Variants in DDR2 observed in about 807,000 individuals in gnomAD.
The protein encoded by DDR2 is discoidin domain receptor tyrosine kinase 2, also known as discoidin domain-containing receptor 2.
DDR2 carries 27 observed loss-of-function variants against 94.9 expected under a neutral mutation model. The ratio of observed to expected loss-of-function variants is 0.28; its 90% CI spans 0.21 to 0.39. The LOEUF (loss-of-function observed/expected upper bound fraction) is 0.39, where lower values mean the gene tolerates loss of function less well. Ranked by LOEUF, DDR2 falls within the 10% of genes least tolerant of loss-of-function variation. DDR2 has a pLI of 1.00. For synonymous variants in DDR2, 382 were observed against 377.2 expected, an observed-to-expected ratio of 1.01 and a Z score of -0.15; for missense variants, 783 against 1,076.0, an observed-to-expected ratio of 0.73 and a Z score of 3.81.
At chr1:162,704,327 G>A (rs1227862366) in intron 2 of DDR2, among the ~76,000 whole-genome samples, 2 of 152,076 alleles carry the variant, frequency 1.3e-5, no homozygotes, top group African/African-American at 4.8e-5. Flanking sequence ...AGTTGTAAAG[G>A]GGCAGCAAAG....
chr1:162,778,356 C>CA (rs1647705634), intron 16 of DDR2, among the ~76,000 whole-genome samples: 2 of 152,130 alleles, frequency 1.3e-5, no homozygotes, highest in East Asian at 1.9e-4. Context: ...CTTATGGCTG[C>CA]GTTTTTTTCA....
intron 2 of DDR2, among the ~76,000 whole-genome samples, chr1:162,717,790 A>T (rs1170272532): frequency 6.6e-6 from 1 of 152,174 alleles, no homozygotes; most frequent in Non-Finnish European, 1.5e-5. Flanking sequence ...AACACATACT[A>T]TCAATATGAC....
intron 17 of DDR2, among the ~76,000 whole-genome samples, 160 bp from the exon 18 acceptor site, chr1:162,779,952 G>A (rs766707248): frequency 1.6e-4 from 24 of 152,112 alleles, no homozygotes; most frequent in Non-Finnish European, 2.5e-4. Context: ...GAACTTTCAC[G>A]AGTAGGAAAA....
chr1:162,647,425 G>T (rs891985573), intron 1 of DDR2, among the ~76,000 whole-genome samples: 1 of 152,162 alleles, frequency 6.6e-6, no homozygotes, highest in Non-Finnish European at 1.5e-5. Flanking sequence ...CCCCAAGAGA[G>T]GGTTCTTAGA....
chr1:162,699,435 G>A (rs1445971541), intron 2 of DDR2, among the ~76,000 whole-genome samples: 1 of 152,088 alleles, frequency 6.6e-6, no homozygotes, highest in Non-Finnish European at 1.5e-5. Flanking sequence ...GTCTTGTACT[G>A]TGAACCCAAA....
chr1:162,699,418 T>C (rs6680765), intron 2 of DDR2, among the ~76,000 whole-genome samples: 1,630 of 152,342 alleles, frequency 0.011, 36 homozygotes, highest in African/African-American at 0.037. Context: ...GGAATAGCAC[T>C]TACCTTGTCT....
intron 2 of DDR2, among the ~76,000 whole-genome samples, chr1:162,693,100 T>C (rs1660029702): frequency 6.6e-6 from 1 of 152,202 alleles, no homozygotes; most frequent in South Asian, 2.1e-4. Context: ...TATATTTATA[T>C]AAAGTTCAAA....
At chr1:162,665,196 C>A (rs1248787828) in intron 2 of DDR2, among the ~76,000 whole-genome samples, 2 of 152,278 alleles carry the variant, frequency 1.3e-5, no homozygotes, top group African/African-American at 4.8e-5. Flanking sequence ...TTCCTGGGGA[C>A]AGAATGTTCA....
intron 2 of DDR2, among the ~76,000 whole-genome samples, chr1:162,684,812 A>AACACACACACACACACACACACACACAC (rs56958157): frequency 1.4e-5 from 2 of 138,044 alleles, no homozygotes; most frequent in African/African-American, 2.6e-5. Flanking sequence ...CACACCCACC[A>AACACACACACACACACACACACACACAC]ACACACACAC....
At chr1:162,733,239 A>C (rs1662144604) in intron 3 of DDR2, among the ~76,000 whole-genome samples, 1 of 152,232 alleles carries the variant, frequency 6.6e-6, no homozygotes, top group South Asian at 2.1e-4. Context: ...GGGGGAAAGC[A>C]AGGAGACCTG....
At position 162,754,684 on chromosome 1, in the gene DDR2, C is replaced by A. The variant is rs1464842273; in HGVS notation, c.246C>A (p.Asp82Glu). 6.2e-7 allele frequency: 1 copy of A among 1,614,012 alleles called. No individual in the cohort carries two copies. The highest frequency in any genetic ancestry group is 1.1e-5 in the South Asian group (1 of 91,080). Reference protein sequence around the residue: ...WCPEIPVEPDDLKEFLQIDLH... With the variant: ...WCPEIPVEPDELKEFLQIDLH... ...CTGAGATTCCAGTGGAACCTGATGA[C>A]CTGAAGGAGTTTCTGCAGATTGACT... Residue 82 changes from aspartate (D) to glutamate (E), a missense_variant, in exon 5 of 18, where the codon GAC becomes GAA. Coordinates refer to ENST00000367921, the MANE Select transcript of DDR2 (RefSeq NM_006182.4).
chr1:162,669,048 C>G (rs1658712277), intron 2 of DDR2, among the ~76,000 whole-genome samples: 1 of 152,146 alleles, frequency 6.6e-6, no homozygotes. Flanking sequence ...ACTTTAGTTC[C>G]TTTGGGGCGC....
intron 2 of DDR2, among the ~76,000 whole-genome samples, chr1:162,702,811 G>C (rs1660487778): frequency 6.6e-6 from 1 of 152,316 alleles, no homozygotes; most frequent in South Asian, 2.1e-4. Context: ...CATTAGTTCA[G>C]CAGCTGGTCA....
At chr1:162,652,553 A>C (rs1657752794) in intron 1 of DDR2, among the ~76,000 whole-genome samples, 1 of 152,212 alleles carries the variant, frequency 6.6e-6, no homozygotes, top group South Asian at 2.1e-4. Flanking sequence ...CTGAAAAGCC[A>C]GCTAAGTCCA....
At position 162,766,059 on chromosome 1, in the gene DDR2, C is replaced by A. The variant is rs781486678; in HGVS notation, c.1158C>A (p.Thr386=). Residue 386 remains threonine, a synonymous_variant, in exon 10 of 18, where the codon ACC becomes ACA. Transcript: ENST00000367921. ...CCACCTCTCCTATGGCACCCACAAC[C>A]TATGGTATATGTGATTCCTAATTAC... The part of the protein sequence containing the change: ...ALPTSPMAPT[T]YDPMLKVDDS... 1.2e-6 allele frequency: 2 copies of A among 1,613,838 alleles called. No homozygotes were observed. Among genetic ancestry groups the A allele is most frequent in the African/African-American group, 1.3e-5 (1 of 74,930 alleles).
chr1:162,754,608 A>T lies in DDR2; in HGVS notation c.186-16A>T, dbSNP rs763027277. The T allele has an allele frequency of 6.2e-7, 1 of 1,613,480 alleles. No individual in the cohort carries two copies. Among genetic ancestry groups the T allele is most frequent in the Middle Eastern group, 1.7e-4 (1 of 6,052 alleles). On this transcript the variant is annotated splice_polypyrimidine_tract_variant and intron_variant, in intron 4 of 17. Transcript: ENST00000367921. ...TTCATGGTTGCTCCCTCTCTCCCCA[A>T]CCCTCACCTCTCAAGGCTGGACTCA...
At chr1:162,761,767 CATT>C (rs1663759974) in intron 9 of DDR2, among the ~76,000 whole-genome samples, 1 of 152,122 alleles carries the variant, frequency 6.6e-6, no homozygotes, top group Non-Finnish European at 1.5e-5. Flanking sequence ...CACACCTAAG[CATT>C]ACTGAGATAT....
intron 3 of DDR2, among the ~76,000 whole-genome samples, chr1:162,719,654 A>G (rs1034971222): frequency 2.0e-5 from 3 of 152,300 alleles, no homozygotes; most frequent in Non-Finnish European, 4.4e-5. Context: ...TTTTGAGCCC[A>G]AATTTGTGGG....
intron 1 of DDR2, among the ~76,000 whole-genome samples, chr1:162,651,829 T>C (rs1657707827): frequency 6.6e-6 from 1 of 152,264 alleles, no homozygotes; most frequent in South Asian, 2.1e-4. Context: ...CTTTGGTGTT[T>C]TGTCATTCTA....
Sources: allele counts gnomAD v4.1 joint callset (sites outside exome capture counted in the v4.1 genomes callset), GRCh38; gene constraint gnomAD v4.1.1; transcripts MANE v1.5; gene names NCBI Gene and HGNC (gene_info 2026-07-23, HGNC 2026-07-21).